Variants in FARP1 observed in about 807,000 individuals in gnomAD.
FARP1 encodes FERM, ARHGEF and pleckstrin domain-containing protein 1.
A neutral mutation model predicts 128.8 loss-of-function variants in FARP1; 52 were observed. That is an observed-to-expected ratio of 0.40 (90% CI 0.32 to 0.51). FARP1 has a LOEUF of 0.51. FARP1 is among the 20% of genes least tolerant of loss of function. The probability of loss-of-function intolerance (pLI) is 0.45; values close to 1 mark genes in which losing one functional copy is unlikely to be tolerated. For synonymous variants in FARP1, 580 were observed against 551.8 expected (o/e 1.05, Z -0.72); for missense variants, 1,333 against 1,367.9 (o/e 0.97, Z 0.40).
At position 98,190,820 on chromosome 13, in the gene FARP1, T is replaced by C. The variant is rs1420773882; in HGVS notation, c.-23-22400T>C. Among the ~76,000 whole-genome samples the C allele has an allele frequency of 5.9e-5, 9 of 151,974 alleles. No homozygotes were observed. In the South Asian group the frequency reaches 6.2e-4, roughly 11 times the overall value. ...GCTTGGCCTCCCAAAGTGCTTAGAT[T>C]ACAGGCATGAGCCAACATGCCCAGC... is the stretch of plus-strand genomic sequence containing the variant. On this transcript the variant is annotated intron_variant, in intron 1 of 26. Transcript: ENST00000319562.
At chr13:98,244,706 T>C (rs1882967320) in intron 2 of FARP1, 7 of 1,612,840 alleles carry the variant, frequency 4.3e-6, no homozygotes, top group Non-Finnish European at 5.9e-6. Flanking sequence ...TTAATCTTTT[T>C]TGAGTCAGGA....
chr13:98,250,626 C>T (rs146996600), intron 2 of FARP1, among the ~76,000 whole-genome samples: 1,680 of 151,376 alleles, frequency 0.011, 22 homozygotes, highest in Non-Finnish European at 0.018. Context: ...GAGGCTGAGG[C>T]AGGAGAATCG....
At chr13:98,160,503 G>A (rs538834623) in intron 1 of FARP1, among the ~76,000 whole-genome samples, 42 of 151,998 alleles carry the variant, frequency 2.8e-4, no homozygotes, top group Non-Finnish European at 4.4e-4. Context: ...TTTTTTTCTC[G>A]TTTCTTTTTG....
intron 5 of FARP1, among the ~76,000 whole-genome samples, chr13:98,372,521 T>A (rs567201161): frequency 6.6e-6 from 1 of 152,196 alleles, no homozygotes; most frequent in African/African-American, 2.4e-5. Context: ...TGTGTTCTTA[T>A]AGGTGAGGGG....
At chr13:98,408,891 G>A (rs1891078880) in intron 13 of FARP1, among the ~76,000 whole-genome samples, 1 of 152,208 alleles carries the variant, frequency 6.6e-6, no homozygotes, top group African/African-American at 2.4e-5. Context: ...GTGACCCATT[G>A]TTACGGGACG....
intron 3 of FARP1, among the ~76,000 whole-genome samples, chr13:98,354,645 TCTACTC>T (rs919228788): frequency 3.3e-5 from 5 of 152,226 alleles, no homozygotes; most frequent in Admixed American, 2.0e-4. Context: ...ACACAGCAGT[TCTACTC>T]CTAAGTATTT....
chr13:98,247,888 T>C (rs1195275991), intron 2 of FARP1, among the ~76,000 whole-genome samples: 1 of 152,158 alleles, frequency 6.6e-6, no homozygotes, highest in African/African-American at 2.4e-5. Flanking sequence ...CAGCGATCCT[T>C]GTGAAGAGCT....
intron 3 of FARP1, among the ~76,000 whole-genome samples, chr13:98,346,988 A>C (rs1277780888): frequency 6.6e-6 from 1 of 152,230 alleles, no homozygotes; most frequent in Non-Finnish European, 1.5e-5. Flanking sequence ...AATGCAATGA[A>C]AGCACACAGT....
chr13:98,190,265 C>T (rs1449570252), intron 1 of FARP1, among the ~76,000 whole-genome samples: 1 of 152,192 alleles, frequency 6.6e-6, no homozygotes, highest in Non-Finnish European at 1.5e-5. Flanking sequence ...TGGTGCAAAC[C>T]TTTTACAACA....
intron 2 of FARP1, among the ~76,000 whole-genome samples, chr13:98,277,150 C>CACACACACACACACACACACACACACACA (rs1566824337): frequency 4.3e-4 from 5 of 11,700 alleles, no homozygotes; most frequent in African/African-American, 7.5e-4. Context: ...ACACACACAC[C>CACACACACACACACACACACACACACACA]CCATATGTAT....
intron 2 of FARP1, among the ~76,000 whole-genome samples, chr13:98,254,242 T>C (rs1274532090): frequency 6.6e-6 from 1 of 152,326 alleles, no homozygotes; most frequent in African/African-American, 2.4e-5. Context: ...GTTTGTGTCA[T>C]TTTTGGATTT....
chr13:98,194,859 C>T lies in FARP1; in HGVS notation c.-23-18361C>T, dbSNP rs750868256. Reference sequence around the variant, plus strand: ...TCCTAGTGTATGTAACCATCAGTGGCGGGTATCTACTGAACAGTGAGGAAG... The same window carrying T: ...TCCTAGTGTATGTAACCATCAGTGGTGGGTATCTACTGAACAGTGAGGAAG... On this transcript the variant is annotated intron_variant, in intron 1 of 26. Coordinates refer to ENST00000319562, the MANE Select transcript of FARP1 (RefSeq NM_005766.4). 4.6e-5 allele frequency among the ~76,000 whole-genome samples: 7 copies of T among 152,136 alleles called. No homozygotes were observed. In the South Asian group the frequency reaches 6.2e-4, roughly 14 times the overall value.
intron 1 of FARP1, among the ~76,000 whole-genome samples, chr13:98,194,239 C>A (rs1594254616): frequency 2.0e-5 from 3 of 152,266 alleles, no homozygotes; most frequent in African/African-American, 7.2e-5. Flanking sequence ...GCCTCAGCCT[C>A]CCGAGTAGCT....
rs59209045 is a variant in FARP1, at chr13:98,232,145, G to GTTTTTTTTTTT, written c.171+18743_171+18753dup. Among the ~76,000 whole-genome samples the GTTTTTTTTTTT allele has an allele frequency of 8.1e-4, 86 of 105,720 alleles. 3 individuals are homozygous for GTTTTTTTTTTT. The highest frequency in any genetic ancestry group is 0.012 in the Middle Eastern group (2 of 172). 69.4% of individuals were successfully genotyped at this position (105,720 alleles called of 152,430 possible). ...GTGCCCGGCTTTTTTTGTTTGGTTG[G>GTTTTTTTTTTT]TTTTTTTTTTTTTTTTTTTTTGCTT... On this transcript the variant is annotated intron_variant, in intron 2 of 26. Transcript: ENST00000319562.
rs771613292 is a variant in FARP1, at chr13:98,410,757, C to T, written c.1626C>T (p.Tyr542=). 2.5e-6 allele frequency: 4 copies of T among 1,603,080 alleles called. No homozygotes were observed. Among genetic ancestry groups the T allele is most frequent in the Admixed American group, 1.7e-5 (1 of 59,430 alleles). The part of the protein sequence containing the change: ...RRKRFPTDKA[Y]FIAKEVSTTE... ...AGAGATTCCCAACTGATAAAGCGTA[C>T]TTCATAGCTAAGGAAGTGTCTACCA... Residue 542 remains tyrosine (Y), a synonymous_variant, in exon 15 of 27, where the codon TAC becomes TAT. Transcript: ENST00000319562.
In FARP1 at chr13:98,213,976, C is replaced by T. The variant is rs369051465; in HGVS notation, c.171+563C>T. 5.1e-4 allele frequency among the ~76,000 whole-genome samples: 78 copies of T among 152,240 alleles called. 1 individual carries two copies. Among genetic ancestry groups the T allele is most frequent in the African/African-American group, 1.6e-3 (67 of 41,546 alleles). On this transcript the variant is annotated intron_variant, in intron 2 of 26. Transcript: ENST00000319562. The stretch of plus-strand genomic sequence containing the variant: ...GTGGGAGTATCGAAAAGCCTCCTTC[C>T]GAGCCTGCCATATGGCAGCCCTAGA...
intron 2 of FARP1, among the ~76,000 whole-genome samples, chr13:98,269,202 G>C (rs1325434923): frequency 6.6e-6 from 1 of 152,172 alleles, no homozygotes; most frequent in East Asian, 1.9e-4. Context: ...CCCTCAGTCA[G>C]TCAACCTCAT....
chr13:98,397,895 T>G (rs936225629), intron 13 of FARP1: 3 of 82,880 alleles, frequency 3.6e-5, no homozygotes, highest in African/African-American at 1.5e-4. Context: ...GGTACTTTTT[T>G]TTTTGAAAAA....
At chr13:98,438,595 C>T (rs902260744) in intron 19 of FARP1, among the ~76,000 whole-genome samples, 9 of 152,150 alleles carry the variant, frequency 5.9e-5, no homozygotes, top group East Asian at 3.9e-4. Flanking sequence ...TGCAGTGAAT[C>T]GCAGCTGAGT....
Sources: allele counts gnomAD v4.1 joint callset (sites outside exome capture counted in the v4.1 genomes callset), GRCh38; gene constraint gnomAD v4.1.1; transcripts MANE v1.5; gene names NCBI Gene and HGNC (gene_info 2026-07-23, HGNC 2026-07-21).